RBM25: variants seen among roughly 807,000 people sequenced by gnomAD.
RBM25 encodes the protein RNA binding motif protein 25.
RBM25 carries 19 observed loss-of-function variants against 120.7 expected under a neutral mutation model. That is an observed-to-expected ratio of 0.16 (90% CI 0.11 to 0.23). RBM25 has a LOEUF of 0.23. Among genes scored for constraint, RBM25 ranks in the 10% least tolerant of loss-of-function variants. The pLI is 1.00. For synonymous variants in RBM25, 390 were observed against 326.7 expected (o/e 1.19, Z -2.09); for missense variants, 605 against 1,041.5 (o/e 0.58, Z 5.77).
chr14:73,116,683 A>G (rs1896434919), intron 18 of RBM25, among the ~76,000 whole-genome samples: 1 of 152,206 alleles, frequency 6.6e-6, no homozygotes, highest in South Asian at 2.1e-4. Flanking sequence ...CATTTTTTAA[A>G]TAAAACTGTG....
At chr14:73,077,290 C>G in intron 3 of RBM25, 79 bp from the exon 4 acceptor site, 1 of 1,244,360 alleles carries the variant, frequency 8.0e-7, no homozygotes, top group African/African-American at 1.5e-5. Context: ...TTATTTAATC[C>G]TGATGTTTTT....
At chr14:73,094,678 C>G (rs1042971568) in intron 6 of RBM25, among the ~76,000 whole-genome samples, 2 of 152,188 alleles carry the variant, frequency 1.3e-5, no homozygotes, top group African/African-American at 2.4e-5. Flanking sequence ...TGAGCCGCTG[C>G]ACGCGGCTGG....
intron 18 of RBM25, among the ~76,000 whole-genome samples, chr14:73,118,854 C>T (rs766144323): frequency 6.6e-5 from 10 of 151,840 alleles, no homozygotes; most frequent in South Asian, 2.1e-4. Context: ...CTGCAACCTC[C>T]GCCTCCCAGG....
At position 73,119,728 on chromosome 14, in the gene RBM25, G is replaced by A; in HGVS notation, c.2455G>A (p.Ala819Thr). 1 of 1,611,772 alleles carries A rather than the reference G, an allele frequency of 6.2e-7. No homozygotes were observed. Among genetic ancestry groups the A allele is most frequent in the Non-Finnish European group, 8.5e-7 (1 of 1,179,446 alleles). Residue 819 changes from alanine (A) to threonine (T), a missense_variant, in exon 19 of 19, where the codon GCA becomes ACA. Physicochemically the swap from Ala to Thr is moderately conservative, Grantham distance 58 (BLOSUM62 0). Coordinates refer to ENST00000261973, the MANE Select transcript of RBM25 (RefSeq NM_021239.3). ...TCCTCTTTAGGTACTTGATGAAGAA[G>A]CAGAAGTTTTTATAGTCAAAATGTG... ...DDVAMVLDEEAEVFIVKMWRL... is the reference protein window; with the variant it reads ...DDVAMVLDEETEVFIVKMWRL...
At position 73,097,070 on chromosome 14, in the gene RBM25, C is replaced by G; in HGVS notation, c.699C>G (p.Pro233=). The G allele has an allele frequency of 6.2e-7, 1 of 1,610,672 alleles. No homozygotes were observed. Among genetic ancestry groups the G allele is most frequent in the Non-Finnish European group, 8.5e-7 (1 of 1,179,248 alleles). Residue 233 remains proline (P), a synonymous_variant, in exon 7 of 19, where the codon CCC becomes CCG. Transcript: ENST00000261973. ...NAPSQESDSH[P]RKKKKEKKED... Reference sequence around the variant, plus strand: ...CCTCACAGGAATCTGATTCTCACCCCAGGAAGAAGAAGAAGGAAAAGAAGG... The same window carrying G: ...CCTCACAGGAATCTGATTCTCACCCGAGGAAGAAGAAGAAGGAAAAGAAGG...
At position 73,114,083 on chromosome 14, in the gene RBM25, C is replaced by T. The variant is rs1174664007; in HGVS notation, c.2392-203C>T. Among the ~76,000 whole-genome samples the T allele has an allele frequency of 3.5e-3, 527 of 152,302 alleles. 5 individuals are homozygous for T. Among genetic ancestry groups the T allele is most frequent in the African/African-American group, 0.012 (499 of 41,550 alleles). On this transcript the variant is annotated intron_variant, in intron 17 of 18. Coordinates refer to ENST00000261973, the MANE Select transcript of RBM25 (RefSeq NM_021239.3). The stretch of plus-strand genomic sequence containing the variant: ...TGAGATTTGACTTAAAATTAGACTA[C>T]AGACCACTATGGAGATTAATATTCC...
chr14:73,094,450 A>AT (rs1345646489), intron 6 of RBM25, among the ~76,000 whole-genome samples: 4 of 149,980 alleles, frequency 2.7e-5, no homozygotes, highest in Admixed American at 1.3e-4. Flanking sequence ...GTCTATAAGG[A>AT]TTTTTTTTGT....
intron 2 of RBM25, among the ~76,000 whole-genome samples, chr14:73,074,328 T>TCCTGC (rs1184746548): frequency 1.3e-5 from 2 of 152,136 alleles, no homozygotes; most frequent in Non-Finnish European, 2.9e-5. Flanking sequence ...CAACTGATCC[T>TCCTGC]CCTGCCTCAG....
chr14:73,103,127 G>A lies in RBM25; in HGVS notation c.868-65G>A, dbSNP rs953881059. 7.1e-6 allele frequency: 11 copies of A among 1,550,948 alleles called. No individual in the cohort carries two copies. The South Asian group carries it at 9.0e-5, about 13-fold the overall frequency. On this transcript the variant is annotated intron_variant, in intron 9 of 18. Coordinates refer to ENST00000261973, the MANE Select transcript of RBM25 (RefSeq NM_021239.3). ...TTTTGTTCCCAGTACTGGGCTTTGC[G>A]CCGGGAAAAATCTGAATACTGGAGC...
chr14:73,086,119 A>C (rs1296414664), intron 5 of RBM25, among the ~76,000 whole-genome samples: 3 of 151,840 alleles, frequency 2.0e-5, no homozygotes, highest in African/African-American at 7.3e-5. Flanking sequence ...AATTGTTTTG[A>C]AGATCACGAT....
chr14:73,088,819 C>T lies in RBM25; in HGVS notation c.543+658C>T, dbSNP rs367756446. 1.3e-3 allele frequency among the ~76,000 whole-genome samples: 191 copies of T among 152,272 alleles called. 1 individual carries two copies. The highest frequency in any genetic ancestry group is 4.4e-3 in the African/African-American group (184 of 41,544). On this transcript the variant is annotated intron_variant, in intron 6 of 18. Coordinates refer to ENST00000261973, the MANE Select transcript of RBM25 (RefSeq NM_021239.3). Reference sequence around the variant, plus strand: ...CAAAACCAGAAGAGTCTTTCGCTGTCGTCAAATTTTTATTATCTTTCAAAA... The same window carrying T: ...CAAAACCAGAAGAGTCTTTCGCTGTTGTCAAATTTTTATTATCTTTCAAAA...
intron 9 of RBM25, chr14:73,100,020 C>A: frequency 2.1e-6 from 1 of 477,862 alleles, no homozygotes; most frequent in Non-Finnish European, 3.5e-6. Context: ...TAGATTTCAA[C>A]ATAAACATCA....
At position 73,103,398 on chromosome 14, in the gene RBM25, CCGAGATCGGGATCGAGAGAGAGAT is replaced by C. The variant is rs780076142; in HGVS notation, c.1077_1100del (p.Asp366_Arg373del). On this transcript the variant is annotated inframe_deletion, in exon 10 of 19. Coordinates refer to ENST00000261973, the MANE Select transcript of RBM25 (RefSeq NM_021239.3). ...ACCGTGACCGGACAAAAGAGAGAGA[CCGAGATCGGGATCGAGAGAGAGAT>C]CGTGACCGGGATAGAGAAAGGAGCT... 4 of 1,612,996 alleles carry C rather than the reference CCGAGATCGGGATCGAGAGAGAGAT, an allele frequency of 2.5e-6. No individual in the cohort carries two copies. The highest frequency in any genetic ancestry group is 2.5e-6 in the Non-Finnish European group (3 of 1,179,546).
intron 6 of RBM25, 27 bp downstream of exon 6, chr14:73,088,188 C>G: frequency 6.2e-7 from 1 of 1,611,992 alleles, no homozygotes; most frequent in Non-Finnish European, 8.5e-7. Context: ...GTTATCTTTT[C>G]TAGGCCAGAC....
chr14:73,111,125 A>C lies in RBM25; in HGVS notation c.1987A>C (p.Arg663=). The change falls in exon 15 of 19, where the codon AGG becomes CGG. Residue 663 remains arginine, a synonymous_variant. Transcript: ENST00000261973. ...SPDQQQPEEH[R]PKIGLSLKLG... is the part of the protein sequence containing the mutation. ...AGATCAACAGCAACCTGAGGAGCAT[A>C]GGCCAAAAATAGGACTAAGTCTTAA... is the stretch of plus-strand genomic sequence containing the variant. The C allele has an allele frequency of 1.2e-6, 2 of 1,613,502 alleles. No individual in the cohort carries two copies. Among genetic ancestry groups the C allele is most frequent in the Non-Finnish European group, 1.7e-6 (2 of 1,179,398 alleles).
At chr14:73,085,692 C>T (rs1895669300) in intron 5 of RBM25, among the ~76,000 whole-genome samples, 1 of 151,932 alleles carries the variant, frequency 6.6e-6, no homozygotes, top group Non-Finnish European at 1.5e-5. Flanking sequence ...GGTGATCCGC[C>T]CACCTCAGTC....
At chr14:73,091,498 G>T (rs1895812657) in intron 6 of RBM25, among the ~76,000 whole-genome samples, 1 of 152,194 alleles carries the variant, frequency 6.6e-6, no homozygotes. Flanking sequence ...ACAGGCAGGA[G>T]CCACTGTGTC....
chr14:73,070,149 G>C (rs1254822329), intron 1 of RBM25, among the ~76,000 whole-genome samples: 1 of 151,424 alleles, frequency 6.6e-6, no homozygotes, highest in Non-Finnish European at 1.5e-5. Context: ...TGGATTACAA[G>C]TGATTCTCCT....
Position 73,076,301 on chromosome 14 carries a change from T to C in RBM25, c.107-18T>C, listed in dbSNP as rs995375383. 3.1e-6 allele frequency: 5 copies of C among 1,599,900 alleles called. No individual in the cohort carries two copies. The highest frequency in any genetic ancestry group is 2.7e-5 in the African/African-American group (2 of 74,612). ...AGAATGCAGTCATGTAAAATCAGTG[T>C]GGTTTTTCTTTTCTTAGGGACCCCA... On this transcript the variant is annotated intron_variant, in intron 2 of 18. Coordinates refer to ENST00000261973, the MANE Select transcript of RBM25 (RefSeq NM_021239.3).
Sources: allele counts gnomAD v4.1 joint callset (sites outside exome capture counted in the v4.1 genomes callset), GRCh38; gene constraint gnomAD v4.1.1; transcripts MANE v1.5; gene names NCBI Gene and HGNC (gene_info 2026-07-23, HGNC 2026-07-21).